Variants in DLG2 observed in about 807,000 individuals in gnomAD.
The protein encoded by DLG2 is discs large MAGUK scaffold protein 2, also known as disks large homolog 2.
Under a neutral mutation model 132.5 loss-of-function variants are expected in DLG2, and 45 were observed. The observed-to-expected ratio is 0.34, with a 90% CI of 0.27 to 0.44. The LOEUF (loss-of-function observed/expected upper bound fraction) is 0.44, where lower values mean the gene tolerates loss of function less well. DLG2 is among the 20% of genes least tolerant of loss of function. The pLI is 1.00. For synonymous variants in DLG2, 424 were observed against 419.6 expected (o/e 1.01, Z -0.13); for missense variants, 1,045 against 1,196.9 (o/e 0.87, Z 1.87).
chr11:85,428,373 G>A (rs781593842), intron 3 of DLG2, among the ~76,000 whole-genome samples: 8 of 152,098 alleles, frequency 5.3e-5, no homozygotes, highest in Non-Finnish European at 7.4e-5. Flanking sequence ...CCACTTAGTC[G>A]GAAGTAAAGC....
chr11:85,464,241 C>G (rs2153062988), intron 3 of DLG2, among the ~76,000 whole-genome samples: 1 of 152,282 alleles, frequency 6.6e-6, no homozygotes, highest in Middle Eastern at 3.4e-3. Flanking sequence ...ATTCTTCCTG[C>G]CTGCTGCACA....
At chr11:84,254,240 T>C (rs1339327166) in intron 7 of DLG2, among the ~76,000 whole-genome samples, 1 of 152,190 alleles carries the variant, frequency 6.6e-6, no homozygotes, top group Non-Finnish European at 1.5e-5. Context: ...TTTGCTTTTT[T>C]TCTTACAGAT....
chr11:83,816,235 C>T (rs1050418254), intron 17 of DLG2, among the ~76,000 whole-genome samples: 2 of 152,174 alleles, frequency 1.3e-5, no homozygotes, highest in African/African-American at 4.8e-5. Flanking sequence ...TAAATAGGCT[C>T]CAGCCTATTA....
chr11:85,498,222 G>A (rs1345401615), intron 3 of DLG2, among the ~76,000 whole-genome samples: 1 of 152,144 alleles, frequency 6.6e-6, no homozygotes, highest in Non-Finnish European at 1.5e-5. Context: ...TCAAAATAAA[G>A]GGATGGAGGA....
intron 7 of DLG2, among the ~76,000 whole-genome samples, chr11:84,259,514 C>G (rs1477177005): frequency 6.6e-6 from 1 of 152,132 alleles, no homozygotes; most frequent in South Asian, 2.1e-4. Flanking sequence ...ACGAACAGTG[C>G]TGAATAAACT....
At chr11:84,114,658 G>C (rs1314335175) in intron 9 of DLG2, among the ~76,000 whole-genome samples, 1 of 151,988 alleles carries the variant, frequency 6.6e-6, no homozygotes, top group Non-Finnish European at 1.5e-5. Context: ...ATGCACCCAG[G>C]TTTCCTACTG....
At chr11:83,997,366 C>T (rs149139511) in intron 11 of DLG2, among the ~76,000 whole-genome samples, 9 of 152,176 alleles carry the variant, frequency 5.9e-5, no homozygotes, top group African/African-American at 9.6e-5. Flanking sequence ...GCACCTCATG[C>T]CTTATTTCTA....
At chr11:85,624,064 G>GA (rs965462558) in intron 2 of DLG2, among the ~76,000 whole-genome samples, 1 of 151,800 alleles carries the variant, frequency 6.6e-6, no homozygotes, top group African/African-American at 2.4e-5. Flanking sequence ...AACTGCTGAG[G>GA]AAAAAAAACC....
chr11:84,575,076 C>A (rs961419199), intron 6 of DLG2, among the ~76,000 whole-genome samples: 3 of 152,158 alleles, frequency 2.0e-5, no homozygotes, highest in African/African-American at 4.8e-5. Context: ...GTGCTCTAAG[C>A]TGGATTCCTT....
At chr11:84,642,074 G>A (rs1361148923) in intron 6 of DLG2, among the ~76,000 whole-genome samples, 7 of 145,074 alleles carry the variant, frequency 4.8e-5, no homozygotes, top group Non-Finnish European at 1.5e-5. Context: ...GCGTGTGTGT[G>A]TGTGTGTGTA....
chr11:83,699,350 A>C (rs1166804709), intron 18 of DLG2, among the ~76,000 whole-genome samples: 1 of 152,182 alleles, frequency 6.6e-6, no homozygotes, highest in East Asian at 1.9e-4. Context: ...AGAATGGAGA[A>C]GCTTTCTATG....
chr11:85,322,004 C>G (rs60624805), intron 3 of DLG2, among the ~76,000 whole-genome samples: 12,381 of 151,960 alleles, frequency 0.081, 756 homozygotes, highest in East Asian at 0.28. Context: ...TGTGTGGCAG[C>G]AGTTCCCTAT....
chr11:85,496,278 C>T (rs1046190606), intron 3 of DLG2, among the ~76,000 whole-genome samples: 3 of 152,184 alleles, frequency 2.0e-5, no homozygotes, highest in Admixed American at 6.5e-5. Flanking sequence ...GGTCTCACTC[C>T]CATGGAGCAT....
chr11:83,754,862 T>C (rs2093585185), intron 18 of DLG2, among the ~76,000 whole-genome samples: 1 of 151,500 alleles, frequency 6.6e-6, no homozygotes, highest in South Asian at 2.1e-4. Flanking sequence ...TAATTATCAG[T>C]GATAATTTAA....
chr11:84,843,665 A>G (rs1424268081), intron 6 of DLG2, among the ~76,000 whole-genome samples: 3 of 151,932 alleles, frequency 2.0e-5, no homozygotes, highest in Non-Finnish European at 4.4e-5. Flanking sequence ...ACTTTAAATC[A>G]TCTCTAGGTT....
At position 85,592,457 on chromosome 11, in the gene DLG2, G is replaced by C. The variant is rs149053868; in HGVS notation, c.40+6200C>G. Among the ~76,000 whole-genome samples the C allele has an allele frequency of 2.6e-5, 4 of 152,238 alleles. No homozygotes were observed. In the East Asian group the frequency reaches 7.7e-4, roughly 29 times the overall value. On this transcript the variant is annotated intron_variant, in intron 3 of 27. Transcript: ENST00000376104. ...ACATGCTTTGAGATTGTGAGTGGCA[G>C]CAAGCATTACCTAGGAAATGCCTCT...
intron 6 of DLG2, among the ~76,000 whole-genome samples, chr11:85,053,115 A>T (rs117666188): frequency 0.019 from 2,964 of 152,270 alleles, 50 homozygotes; most frequent in Admixed American, 0.041. Flanking sequence ...CATCCTAGCT[A>T]ATCGACTATA....
chr11:85,103,731 C>T (rs2071250242), intron 6 of DLG2, among the ~76,000 whole-genome samples: 1 of 151,728 alleles, frequency 6.6e-6, no homozygotes, highest in Admixed American at 6.6e-5. Context: ...TAGACTTTAT[C>T]AAAATGTAAA....
At chr11:84,188,202 G>T (rs1018164960) in intron 8 of DLG2, among the ~76,000 whole-genome samples, 4 of 152,096 alleles carry the variant, frequency 2.6e-5, no homozygotes, top group African/African-American at 9.7e-5. Flanking sequence ...TACGCTTTAG[G>T]TGTATATGTT....
Sources: allele counts gnomAD v4.1 joint callset (sites outside exome capture counted in the v4.1 genomes callset), GRCh38; gene constraint gnomAD v4.1.1; transcripts MANE v1.5; gene names NCBI Gene and HGNC (gene_info 2026-07-23, HGNC 2026-07-21).